The following CTCF variants were observed in gnomAD, a reference collection of about 807,000 sequenced individuals.
CTCF encodes the protein CCCTC-binding factor.
In CTCF, 7 loss-of-function variants were observed where a neutral mutation model predicts 72.3. That is an observed-to-expected ratio of 0.10 (90% CI 0.06 to 0.18). CTCF has a LOEUF of 0.18. CTCF is among the 10% of genes least tolerant of loss of function. The pLI is 1.00. For synonymous variants in CTCF, 374 were observed against 315.8 expected, an observed-to-expected ratio of 1.18 and a Z score of -1.95; for missense variants, 516 against 949.1, an observed-to-expected ratio of 0.54 and a Z score of 6.00.
At chr16:67,583,550 A>G (rs186430219) in intron 2 of CTCF, among the ~76,000 whole-genome samples, 24 of 151,992 alleles carry the variant, frequency 1.6e-4, no homozygotes, top group Admixed American at 1.4e-3. Context: ...AGCCGGGTGT[A>G]GTGGGGCATG....
intron 7 of CTCF, among the ~76,000 whole-genome samples, chr16:67,622,782 T>G (rs1032163955): frequency 2.6e-5 from 4 of 151,428 alleles, no homozygotes; most frequent in African/African-American, 9.7e-5. Context: ...TAGCTGAGAT[T>G]ATAGGCGCAT....
chr16:67,613,069 G>A (rs966975298), intron 4 of CTCF, among the ~76,000 whole-genome samples: 1 of 152,210 alleles, frequency 6.6e-6, no homozygotes, highest in Non-Finnish European at 1.5e-5. Flanking sequence ...ACTTACTTTA[G>A]TGTTCAGATA....
chr16:67,581,566 C>T (rs1031314794), intron 2 of CTCF, among the ~76,000 whole-genome samples: 72 of 151,940 alleles, frequency 4.7e-4, no homozygotes, highest in African/African-American at 1.5e-3. Flanking sequence ...TGTGGTGGCA[C>T]GATCTTGGCT....
intron 7 of CTCF, among the ~76,000 whole-genome samples, chr16:67,623,031 T>G (rs1260978206): frequency 6.6e-6 from 1 of 151,070 alleles, no homozygotes; most frequent in Non-Finnish European, 1.5e-5. Flanking sequence ...GCCTGATCTC[T>G]GTTCACTGCA....
intron 1 of CTCF, among the ~76,000 whole-genome samples, chr16:67,563,085 C>T (rs1036245975): frequency 5.9e-5 from 9 of 152,020 alleles, no homozygotes; most frequent in African/African-American, 1.9e-4. Flanking sequence ...GCGGCCCGCC[C>T]TCTGTCCTGT....
chr16:67,595,182 G>A (rs2051795088), intron 2 of CTCF, among the ~76,000 whole-genome samples: 1 of 152,186 alleles, frequency 6.6e-6, no homozygotes, highest in African/African-American at 2.4e-5. Context: ...AGACTGGCCA[G>A]CCTGCAAAGC....
At chr16:67,598,457 G>A (rs2051843194) in intron 2 of CTCF, among the ~76,000 whole-genome samples, 1 of 152,098 alleles carries the variant, frequency 6.6e-6, no homozygotes, top group Non-Finnish European at 1.5e-5. Flanking sequence ...ATTTAGGAAA[G>A]ACAGATAATA....
At chr16:67,613,958 A>G (rs575532188) in intron 4 of CTCF, among the ~76,000 whole-genome samples, 2 of 152,176 alleles carry the variant, frequency 1.3e-5, no homozygotes, top group Non-Finnish European at 2.9e-5. Context: ...GAGCAGATGC[A>G]TACACCAAGA....
At position 67,629,392 on chromosome 16, in the gene CTCF, T is replaced by C; in HGVS notation, c.1702-6T>C. On this transcript the variant is annotated splice_region_variant and splice_polypyrimidine_tract_variant and intron_variant, in intron 9 of 11. Coordinates refer to ENST00000264010, the MANE Select transcript of CTCF (RefSeq NM_006565.4). ...GTGTGAAAGAGGATTTTGTTCTTTT[T>C]GTTAGAATACCATGGCAAGACATGC... The C allele has an allele frequency of 6.3e-7, 1 of 1,594,650 alleles. No individual in the cohort carries two copies. Among genetic ancestry groups the C allele is most frequent in the Non-Finnish European group, 8.5e-7 (1 of 1,172,916 alleles).
intron 2 of CTCF, among the ~76,000 whole-genome samples, chr16:67,595,777 C>T (rs1436153252): frequency 6.6e-6 from 1 of 152,066 alleles, no homozygotes; most frequent in East Asian, 1.9e-4. Context: ...TCCATTCTGC[C>T]TCTCCTGTCC....
intron 2 of CTCF, among the ~76,000 whole-genome samples, chr16:67,601,306 TGTG>T: frequency 7.4e-6 from 1 of 135,508 alleles, no homozygotes; most frequent in African/African-American, 2.6e-5. Context: ...TGTGTGTGTG[TGTG>T]TGTGTGTGTG....
In CTCF at chr16:67,562,690, G is replaced by C. The variant is rs530276267; in HGVS notation, c.-161G>C. ...CGGGTGGCCGGAGCCGTGGAGCGGC[G>C]GCGGAGCGGGCGCCGCGGGGGGTGT... On this transcript the variant is annotated 5_prime_UTR_variant, in exon 1 of 12. Transcript: ENST00000264010. 2 of 151,754 alleles carry C rather than the reference G, an allele frequency of 1.3e-5. No individual in the cohort carries two copies. Among genetic ancestry groups the C allele is most frequent in the African/African-American group, 4.8e-5 (2 of 41,384 alleles). 9.4% of individuals were successfully genotyped at this position (151,754 alleles called of 1,614,324 possible).
chr16:67,584,583 C>T (rs971698803), intron 2 of CTCF, among the ~76,000 whole-genome samples: 2 of 151,728 alleles, frequency 1.3e-5, no homozygotes, highest in African/African-American at 4.8e-5. Context: ...GCCTTGGCCT[C>T]CCAAAGTGCT....
chr16:67,620,234 G>A (rs554590077), intron 5 of CTCF, among the ~76,000 whole-genome samples: 4 of 151,802 alleles, frequency 2.6e-5, no homozygotes, highest in East Asian at 1.9e-4. Flanking sequence ...ACAGAGTTTC[G>A]CCCTTGTCCA....
chr16:67,621,978 A>G (rs1343448002), intron 7 of CTCF, among the ~76,000 whole-genome samples: 2 of 152,098 alleles, frequency 1.3e-5, no homozygotes, highest in Non-Finnish European at 2.9e-5. Flanking sequence ...TCTCTAGGTA[A>G]TGGGACTGTT....
At chr16:67,592,294 C>A (rs1198463955) in intron 2 of CTCF, among the ~76,000 whole-genome samples, 3 of 151,830 alleles carry the variant, frequency 2.0e-5, no homozygotes, top group Non-Finnish European at 4.4e-5. Context: ...CGCCTGTGAT[C>A]CCAGCTGCTC....
chr16:67,565,673 CAAAA>C (rs201956341), intron 1 of CTCF, among the ~76,000 whole-genome samples: 7 of 62,096 alleles, frequency 1.1e-4, no homozygotes, highest in Admixed American at 1.8e-4. Flanking sequence ...ACTCTTATCT[CAAAA>C]AAAAAAAAAA....
At chr16:67,585,227 TTAG>T (rs1437119855) in intron 2 of CTCF, among the ~76,000 whole-genome samples, 2 of 152,138 alleles carry the variant, frequency 1.3e-5, no homozygotes, top group Non-Finnish European at 2.9e-5. Flanking sequence ...TTTTTTGTAT[TTAG>T]TAGTGAACGG....
chr16:67,578,550 C>T (rs2051535084), intron 2 of CTCF, among the ~76,000 whole-genome samples: 1 of 148,542 alleles, frequency 6.7e-6, no homozygotes, highest in Admixed American at 6.7e-5. Flanking sequence ...CCAGGCTGGT[C>T]TCGAACTCCT....
Sources: gnomAD v4.1 joint callset for allele counts (sites outside exome capture counted in the v4.1 genomes callset) on GRCh38, gnomAD v4.1.1 for gene constraint, MANE v1.5 for transcripts, NCBI Gene and HGNC (gene_info 2026-07-23, HGNC 2026-07-21) for gene names.